Variants in RTL4 observed in about 807,000 individuals in gnomAD.
The protein encoded by RTL4 is retrotransposon Gag like 4, also known as retrotransposon Gag-like protein 4.
RTL4 carries 4 observed loss-of-function variants against 5.3 expected under a neutral mutation model. The observed-to-expected ratio is 0.75, with a 90% CI of 0.37 to 1.72. RTL4 has a LOEUF of 1.72. Among genes scored for constraint, RTL4 ranks in the 40% most tolerant of loss-of-function variants. RTL4 has a pLI of 0.04. For synonymous variants in RTL4, 98 were observed against 87.3 expected (o/e 1.12, Z -0.68); for missense variants, 260 against 227.1 (o/e 1.14, Z -0.93).
At chrX:112,260,739 T>A in the RTL4 span, among the ~76,000 whole-genome samples, 1 of 112,020 alleles carries the variant, frequency 8.9e-6, no homozygotes, top group Non-Finnish European at 1.9e-5. Context: ...ATCCGCATCC[T>A]TCTTACCTCG....
chrX:112,248,061 T>A, the RTL4 span, among the ~76,000 whole-genome samples: 50 of 112,396 alleles, frequency 4.4e-4, no homozygotes, highest in African/African-American at 1.5e-3. Flanking sequence ...ACAAAAGAAA[T>A]ATATGTTAAC....
chrX:112,226,790 G>C, the RTL4 span, among the ~76,000 whole-genome samples: 25 of 108,507 alleles, frequency 2.3e-4, no homozygotes, highest in Non-Finnish European at 1.9e-5. Context: ...GTACAGCCTA[G>C]CCAGGTGTGG....
chrX:112,201,973 T>TTGTGTGTGTGTGTG, the RTL4 span, among the ~76,000 whole-genome samples: 10,137 of 103,225 alleles, frequency 0.098, 545 homozygotes, highest in Non-Finnish European at 0.15. Context: ...TTGTGTGTGT[T>TTGTGTGTGTGTGTG]TGTGTGTGTG....
At chrX:112,313,129 C>G in the RTL4 span, among the ~76,000 whole-genome samples, 1 of 111,256 alleles carries the variant, frequency 9.0e-6, no homozygotes, top group African/African-American at 3.3e-5. Context: ...TACACTTACT[C>G]AAAATATGGT....
the RTL4 span, among the ~76,000 whole-genome samples, chrX:112,398,329 C>T: frequency 9.1e-6 from 1 of 109,327 alleles, no homozygotes; most frequent in African/African-American, 3.3e-5. Flanking sequence ...AACTTTTATT[C>T]CTGAGACAAA....
At chrX:112,398,260 G>C in the RTL4 span, among the ~76,000 whole-genome samples, 1 of 110,846 alleles carries the variant, frequency 9.0e-6, no homozygotes, top group East Asian at 2.8e-4. Flanking sequence ...TTGCTTTTGC[G>C]ATCTGAGAAG....
chrX:112,223,205 T>C, the RTL4 span, among the ~76,000 whole-genome samples: 28,396 of 110,727 alleles, frequency 0.26, 3,671 homozygotes, highest in African/African-American at 0.51. Context: ...ATTATAAATA[T>C]GAAAATTTCA....
At chrX:112,324,365 T>A in the RTL4 span, among the ~76,000 whole-genome samples, 1 of 112,032 alleles carries the variant, frequency 8.9e-6, no homozygotes. Context: ...ATTTCTCTAT[T>A]TTTGCTTTTG....
the RTL4 span, chrX:112,381,399 A>T: frequency 5.0e-6 from 6 of 1,208,888 alleles, no homozygotes; most frequent in South Asian, 7.0e-5. Context: ...GAAATGACGG[A>T]TCTGAACAAG....
chrX:112,378,557 G>T, the RTL4 span, among the ~76,000 whole-genome samples: 1 of 111,985 alleles, frequency 8.9e-6, no homozygotes, highest in Non-Finnish European at 1.9e-5. Context: ...ACCTACAGGA[G>T]TGGGCATCAG....
chrX:112,129,457 C>G, the RTL4 span, among the ~76,000 whole-genome samples: 4 of 112,030 alleles, frequency 3.6e-5, no homozygotes, highest in Non-Finnish European at 5.6e-5. Context: ...AAATTCTCAT[C>G]ATAATGGGAC....
At chrX:112,236,492 T>TAG in the RTL4 span, among the ~76,000 whole-genome samples, 18 of 63,813 alleles carry the variant, frequency 2.8e-4, no homozygotes, top group Non-Finnish European at 5.1e-4. Flanking sequence ...GATCTATATC[T>TAG]ATATATAGAT....
the RTL4 span, among the ~76,000 whole-genome samples, chrX:112,083,363 G>A: frequency 1.8e-5 from 2 of 112,457 alleles, no homozygotes; most frequent in Admixed American, 9.3e-5. Flanking sequence ...AGGCTGCTCC[G>A]GCGACCATAG....
the RTL4 span, among the ~76,000 whole-genome samples, chrX:112,138,430 G>A: frequency 2.7e-5 from 3 of 111,429 alleles, no homozygotes; most frequent in South Asian, 1.1e-3. Context: ...TAATAATAAA[G>A]ACAGTGAGAG....
chrX:112,128,678 A>AAAAAAAAAAAG, the RTL4 span, among the ~76,000 whole-genome samples: 1 of 106,435 alleles, frequency 9.4e-6, no homozygotes, highest in African/African-American at 3.4e-5. Flanking sequence ...AAAAAAAAAA[A>AAAAAAAAAAAG]GTAAAAGAAC....
the RTL4 span, among the ~76,000 whole-genome samples, chrX:112,193,782 A>G: frequency 9.0e-6 from 1 of 111,418 alleles, no homozygotes; most frequent in East Asian, 2.8e-4. Context: ...CAATTGACCT[A>G]TCTTCAAGTT....
chrX:112,181,224 C>T, the RTL4 span, among the ~76,000 whole-genome samples: 3 of 111,445 alleles, frequency 2.7e-5, no homozygotes, highest in Non-Finnish European at 3.8e-5. Context: ...AACACCAGGG[C>T]CCTGGGTTTC....
chrX:112,220,412 G>T, the RTL4 span, among the ~76,000 whole-genome samples: 1 of 112,628 alleles, frequency 8.9e-6, no homozygotes, highest in Non-Finnish European at 1.9e-5. Context: ...GGGGCCCTGG[G>T]CCCAGCCCAT....
At chrX:112,212,894 G>A in the RTL4 span, among the ~76,000 whole-genome samples, 1 of 112,336 alleles carries the variant, frequency 8.9e-6, no homozygotes, top group Non-Finnish European at 1.9e-5. Flanking sequence ...CTATATAAAT[G>A]AGTAAGTTAG....
Sources: allele counts gnomAD v4.1 joint callset (sites outside exome capture counted in the v4.1 genomes callset), GRCh38; gene constraint gnomAD v4.1.1; transcripts MANE v1.5; gene names NCBI Gene and HGNC (gene_info 2026-07-23, HGNC 2026-07-21).